The following SRD5A2 variants were observed in gnomAD, a reference collection of about 807,000 sequenced individuals.
SRD5A2 encodes 3-oxo-5-alpha-steroid 4-dehydrogenase 2.
In SRD5A2, 30 loss-of-function variants were observed where a neutral mutation model predicts 27.4. That is an observed-to-expected ratio of 1.10 (90% CI 0.82 to 1.49). SRD5A2 has a LOEUF of 1.49. SRD5A2 is among the 40% of genes most tolerant of loss of function. The pLI is 0.00. For missense variants in SRD5A2, 348 were observed against 323.4 expected (o/e 1.08, Z -0.58); for synonymous variants, 141 against 133.6 (o/e 1.06, Z -0.38).
the SRD5A2 span, among the ~76,000 whole-genome samples, chr2:31,618,151 GT>G: frequency 6.6e-6 from 1 of 152,172 alleles, no homozygotes; most frequent in Non-Finnish European, 1.5e-5. Flanking sequence ...AAGAGAGCTT[GT>G]GCAGAGGAAC....
rs565956761 is a variant in SRD5A2, at chr2:31,523,119, G to A, written c.*3077C>T. ...TGTTCTTTATGAAAGTAAGCATTAG[G>A]GATAAGGGGGTTTATGACCTGAAAC... On this transcript the variant is annotated 3_prime_UTR_variant, in exon 5 of 5. Coordinates refer to ENST00000622030, the MANE Select transcript of SRD5A2 (RefSeq NM_000348.4). 50 of 216,822 alleles carry A rather than the reference G, an allele frequency of 2.3e-4. No individual in the cohort carries two copies. The highest frequency in any genetic ancestry group is 1.1e-3 in the Admixed American group (19 of 17,220). 13.4% of individuals were successfully genotyped at this position (216,822 alleles called of 1,614,324 possible).
rs978669064 is a variant in SRD5A2, at chr2:31,525,102, C to A, written c.*1094G>T. The A allele has an allele frequency of 9.2e-6, 2 of 218,470 alleles. No individual in the cohort carries two copies. The highest frequency in any genetic ancestry group is 1.8e-5 in the Non-Finnish European group (2 of 108,948). The allele number at this position is 218,470 out of a possible 1,614,324, so 13.5% of individuals were successfully genotyped here. ...AAAACAGGTTTTCTGCCCAGACGTG[C>A]CCCTCTGTCTGCAATTTTCAGTCTC... On this transcript the variant is annotated 3_prime_UTR_variant, in exon 5 of 5. Coordinates refer to ENST00000622030, the MANE Select transcript of SRD5A2 (RefSeq NM_000348.4).
At chr2:31,572,413 T>A (rs994479347) in intron 1 of SRD5A2, among the ~76,000 whole-genome samples, 1 of 152,192 alleles carries the variant, frequency 6.6e-6, no homozygotes, top group African/African-American at 2.4e-5. Flanking sequence ...ACATGTAGTT[T>A]ACCTGTATAA....
At chr2:31,550,448 C>A (rs1666360830) in intron 1 of SRD5A2, among the ~76,000 whole-genome samples, 1 of 146,522 alleles carries the variant, frequency 6.8e-6, no homozygotes, top group Non-Finnish European at 1.5e-5. Context: ...CAAAGAAGAA[C>A]AAGAAAAAAA....
At chr2:31,661,151 A>T in the SRD5A2 span, among the ~76,000 whole-genome samples, 1 of 152,190 alleles carries the variant, frequency 6.6e-6, no homozygotes, top group Admixed American at 6.6e-5. Context: ...TCCCAAAGGA[A>T]TAAAAGGCAC....
chr2:31,632,711 C>A, the SRD5A2 span, among the ~76,000 whole-genome samples: 1 of 152,156 alleles, frequency 6.6e-6, no homozygotes, highest in Non-Finnish European at 1.5e-5. Context: ...CTTCTCCCAG[C>A]CACAAAGTTG....
At chr2:31,548,364 C>G (rs1384768763) in intron 1 of SRD5A2, among the ~76,000 whole-genome samples, 1 of 152,026 alleles carries the variant, frequency 6.6e-6, no homozygotes, top group Non-Finnish European at 1.5e-5. Flanking sequence ...GATTGACATC[C>G]AGAATATATA....
chr2:31,577,162 TAAAAAAAA>T (rs10683997), intron 1 of SRD5A2, among the ~76,000 whole-genome samples: 7 of 57,174 alleles, frequency 1.2e-4, no homozygotes, highest in African/African-American at 5.1e-4. Flanking sequence ...AAAAAAACAT[TAAAAAAAA>T]AAAAAAAAAA....
At chr2:31,592,230 C>A in the SRD5A2 span, among the ~76,000 whole-genome samples, 2 of 151,960 alleles carry the variant, frequency 1.3e-5, no homozygotes, top group African/African-American at 2.4e-5. Flanking sequence ...CACCTCCTGG[C>A]TGGAGGCCAT....
At chr2:31,536,749 T>C (rs1345386625) in intron 1 of SRD5A2, among the ~76,000 whole-genome samples, 2 of 152,202 alleles carry the variant, frequency 1.3e-5, no homozygotes, top group Non-Finnish European at 2.9e-5. Context: ...GGAGAGAGTC[T>C]ATTAGCCCAA....
At chr2:31,605,679 A>G in the SRD5A2 span, among the ~76,000 whole-genome samples, 1 of 151,720 alleles carries the variant, frequency 6.6e-6, no homozygotes. Flanking sequence ...AAAAGGGAAC[A>G]TTTGTACACT....
chr2:31,641,990 AT>A, the SRD5A2 span, among the ~76,000 whole-genome samples: 2 of 152,140 alleles, frequency 1.3e-5, no homozygotes, highest in Non-Finnish European at 2.9e-5. Flanking sequence ...ACACAAGCTG[AT>A]TCCGAGACAT....
chr2:31,572,509 C>T (rs1666872885), intron 1 of SRD5A2, among the ~76,000 whole-genome samples: 1 of 152,120 alleles, frequency 6.6e-6, no homozygotes, highest in African/African-American at 2.4e-5. Flanking sequence ...AAGTCACAAA[C>T]TGAGAGAAAA....
At chr2:31,560,659 T>C (rs1666604023) in intron 1 of SRD5A2, among the ~76,000 whole-genome samples, 1 of 152,192 alleles carries the variant, frequency 6.6e-6, no homozygotes, top group Non-Finnish European at 1.5e-5. Context: ...TTTTTACTGT[T>C]GTATCTCCTT....
chr2:31,658,872 C>A, the SRD5A2 span, among the ~76,000 whole-genome samples: 2 of 152,008 alleles, frequency 1.3e-5, no homozygotes, highest in South Asian at 4.1e-4. Context: ...CCTATGAGGC[C>A]AGCATCATTC....
chr2:31,609,528 T>A, the SRD5A2 span, among the ~76,000 whole-genome samples: 2 of 152,142 alleles, frequency 1.3e-5, no homozygotes, highest in Non-Finnish European at 2.9e-5. Flanking sequence ...ATAGTCTTTT[T>A]AACAAATGAT....
chr2:31,642,224 C>T, the SRD5A2 span, among the ~76,000 whole-genome samples: 2 of 151,994 alleles, frequency 1.3e-5, no homozygotes, highest in African/African-American at 4.8e-5. Context: ...CTATAATTCA[C>T]AGCACACACA....
At chr2:31,620,697 G>C in the SRD5A2 span, among the ~76,000 whole-genome samples, 1 of 151,540 alleles carries the variant, frequency 6.6e-6, no homozygotes, top group Non-Finnish European at 1.5e-5. Flanking sequence ...AAATAGTATT[G>C]ACACTTAAAT....
chr2:31,633,925 C>A, the SRD5A2 span, among the ~76,000 whole-genome samples: 1 of 152,072 alleles, frequency 6.6e-6, no homozygotes, highest in African/African-American at 2.4e-5. Context: ...TGCACATGTA[C>A]CCTAGAACTT....
Sources: gnomAD v4.1 joint callset for allele counts (sites outside exome capture counted in the v4.1 genomes callset) on GRCh38, gnomAD v4.1.1 for gene constraint, MANE v1.5 for transcripts, NCBI Gene and HGNC (gene_info 2026-07-23, HGNC 2026-07-21) for gene names.